SYT1: variants seen among roughly 807,000 people sequenced by gnomAD.
SYT1 encodes synaptotagmin 1, also known as synaptotagmin-1.
A neutral mutation model predicts 44.8 loss-of-function variants in SYT1; 8 were observed. The observed-to-expected ratio is 0.18, with a 90% CI of 0.10 to 0.32. The LOEUF is 0.32. SYT1 is among the 10% of genes least tolerant of loss of function. SYT1 has a pLI of 1.00. For missense variants in SYT1, 286 were observed against 509.3 expected (o/e 0.56, Z 4.22); for synonymous variants, 154 against 188.8 (o/e 0.82, Z 1.51).
At chr12:79,360,665 A>T (rs1883284241) in intron 9 of SYT1, among the ~76,000 whole-genome samples, 1 of 152,252 alleles carries the variant, frequency 6.6e-6, no homozygotes, top group East Asian at 1.9e-4. Context: ...GGACAGGAAT[A>T]TGCATAATAA....
intron 3 of SYT1, among the ~76,000 whole-genome samples, chr12:79,169,051 G>A (rs1871365783): frequency 6.6e-6 from 1 of 152,034 alleles, no homozygotes; most frequent in Admixed American, 6.6e-5. Flanking sequence ...AGTTTTAAGT[G>A]AGAGTCCCAT....
intron 2 of SYT1, among the ~76,000 whole-genome samples, chr12:79,035,959 A>G (rs541851498): frequency 6.6e-6 from 1 of 151,808 alleles, no homozygotes; most frequent in African/African-American, 2.4e-5. Context: ...CAAAAAAAAA[A>G]AAAACAAGGT....
intron 2 of SYT1, among the ~76,000 whole-genome samples, chr12:79,018,008 T>C (rs530798482): frequency 6.6e-6 from 1 of 151,922 alleles, no homozygotes; most frequent in Non-Finnish European, 1.5e-5. Flanking sequence ...AAGAAGGACA[T>C]GAAGAGCAGA....
intron 8 of SYT1, among the ~76,000 whole-genome samples, chr12:79,350,070 C>T (rs913694778): frequency 4.6e-5 from 7 of 152,000 alleles, no homozygotes; most frequent in African/African-American, 1.7e-4. Context: ...TGGCATGAGT[C>T]TTTAAATCTG....
chr12:79,215,337 A>G (rs1874720374), intron 3 of SYT1, among the ~76,000 whole-genome samples: 2 of 152,176 alleles, frequency 1.3e-5, no homozygotes, highest in Admixed American at 1.3e-4. Context: ...GAGCAATGGA[A>G]CAAATTAATA....
chr12:79,109,067 GCCAGGGGC>G (rs1878871852), intron 3 of SYT1, among the ~76,000 whole-genome samples: 1 of 152,124 alleles, frequency 6.6e-6, no homozygotes, highest in Admixed American at 6.6e-5. Flanking sequence ...TCTCCACAAG[GCCAGGGGC>G]CCTGCTAGGG....
chr12:79,069,181 A>G (rs1876095407), intron 3 of SYT1, among the ~76,000 whole-genome samples: 1 of 152,184 alleles, frequency 6.6e-6, no homozygotes, highest in South Asian at 2.1e-4. Flanking sequence ...GTGTTCATCT[A>G]TAAATGGTGA....
At chr12:79,435,037 G>A (rs1453267929) in intron 9 of SYT1, among the ~76,000 whole-genome samples, 2 of 152,086 alleles carry the variant, frequency 1.3e-5, no homozygotes, top group Non-Finnish European at 2.9e-5. Flanking sequence ...TATAGAATAA[G>A]CATTTCATCT....
chr12:79,140,975 G>A (rs1869522289), intron 3 of SYT1, among the ~76,000 whole-genome samples: 1 of 152,220 alleles, frequency 6.6e-6, no homozygotes, highest in African/African-American at 2.4e-5. Context: ...ACAGTGCCAA[G>A]AGAGTTAGCT....
chr12:78,926,109 T>C (rs993717877), intron 1 of SYT1, among the ~76,000 whole-genome samples: 1 of 152,040 alleles, frequency 6.6e-6, no homozygotes, highest in African/African-American at 2.4e-5. Context: ...ATAAATGTTA[T>C]AATTGTTAGA....
chr12:78,990,905 G>A (rs1423875181), intron 2 of SYT1, among the ~76,000 whole-genome samples: 1 of 152,152 alleles, frequency 6.6e-6, no homozygotes, highest in Non-Finnish European at 1.5e-5. Context: ...AAAGGCAAGG[G>A]ATGGTGCTAC....
intron 1 of SYT1, among the ~76,000 whole-genome samples, chr12:78,886,937 A>G (rs1223929135): frequency 6.6e-6 from 1 of 151,976 alleles, no homozygotes; most frequent in Non-Finnish European, 1.5e-5. Context: ...AGTGTAGGAT[A>G]GAGTGCCAGT....
chr12:79,404,576 T>A (rs961968300), intron 9 of SYT1, among the ~76,000 whole-genome samples: 2 of 152,166 alleles, frequency 1.3e-5, no homozygotes, highest in African/African-American at 4.8e-5. Context: ...GTCAGCTTCA[T>A]CCGAGCATAT....
At chr12:79,154,602 A>T in intron 3 of SYT1, among the ~76,000 whole-genome samples, 1 of 152,124 alleles carries the variant, frequency 6.6e-6, no homozygotes, top group East Asian at 1.9e-4. Context: ...TTACATTTTG[A>T]TGAGAAGCAG....
intron 3 of SYT1, among the ~76,000 whole-genome samples, chr12:79,180,508 G>A (rs1417244682): frequency 6.6e-6 from 1 of 151,378 alleles, no homozygotes; most frequent in Non-Finnish European, 1.5e-5. Flanking sequence ...AGTTTTAATT[G>A]GCTCGGGGTT....
chr12:79,353,356 A>G, intron 8 of SYT1, 146 bp from the exon 9 acceptor site: 2 of 597,224 alleles, frequency 3.3e-6, no homozygotes, highest in Non-Finnish European at 5.9e-6. Flanking sequence ...AGTCAATGAA[A>G]GGCCACTGTG....
rs562007433 is a variant in SYT1 at position 78,985,322 on chromosome 12, A to T, written c.-84+7391A>T. 3.3e-5 allele frequency among the ~76,000 whole-genome samples: 5 copies of T among 152,040 alleles called. No homozygotes were observed. In the South Asian group the frequency reaches 1.0e-3, roughly 32 times the overall value. Reference sequence around the variant, plus strand: ...AATATGAACACTATCACAATTTTCTAGGTGATAAGTTATTATACGATTTTG... The same window carrying T: ...AATATGAACACTATCACAATTTTCTTGGTGATAAGTTATTATACGATTTTG... On this transcript the variant is annotated intron_variant, in intron 2 of 10. Coordinates refer to ENST00000261205, the MANE Select transcript of SYT1 (RefSeq NM_005639.3).
At chr12:79,342,829 T>G (rs1470814624) in intron 8 of SYT1, among the ~76,000 whole-genome samples, 1 of 152,240 alleles carries the variant, frequency 6.6e-6, no homozygotes, top group African/African-American at 2.4e-5. Context: ...ATTCAGTTTT[T>G]GGCATTCGAG....
intron 1 of SYT1, among the ~76,000 whole-genome samples, chr12:78,884,123 A>G (rs997345780): frequency 5.9e-5 from 9 of 151,674 alleles, no homozygotes; most frequent in Admixed American, 5.9e-4. Context: ...ATTCTCTAAC[A>G]GAAATATTTA....
Sources: gnomAD v4.1 joint callset for allele counts (sites outside exome capture counted in the v4.1 genomes callset) on GRCh38, gnomAD v4.1.1 for gene constraint, MANE v1.5 for transcripts, NCBI Gene and HGNC (gene_info 2026-07-23, HGNC 2026-07-21) for gene names.